The following NPL variants were observed in gnomAD, a reference collection of about 807,000 sequenced individuals.
NPL encodes the protein N-acetylneuraminate lyase.
In NPL, 32 loss-of-function variants were observed where a neutral mutation model predicts 41.1. That is an observed-to-expected ratio of 0.78 (90% CI 0.59 to 1.05). NPL has a LOEUF of 1.05. Among genes scored for constraint, NPL ranks in the 50% least tolerant of loss-of-function variants. The pLI, the probability that NPL is intolerant of heterozygous loss-of-function variation, is 0.00. For synonymous variants in NPL, 128 were observed against 134.9 expected (o/e 0.95, Z 0.35); for missense variants, 321 against 378.4 (o/e 0.85, Z 1.26).
intron 2 of NPL, 146 bp from the exon 3 acceptor site, chr1:182,794,209 TA>T: frequency 1.3e-6 from 1 of 764,658 alleles, no homozygotes; most frequent in Non-Finnish European, 2.3e-6. Flanking sequence ...AATTAAGCAC[TA>T]AAATTTTACC....
At chr1:182,825,613 T>TG (rs1203216412) in intron 11 of NPL, among the ~76,000 whole-genome samples, 168 bp from the exon 12 acceptor site, 5 of 152,214 alleles carry the variant, frequency 3.3e-5, no homozygotes, top group African/African-American at 1.2e-4. Context: ...TACCTTAGCC[T>TG]GGATGGATCC....
chr1:182,792,569 G>T (rs978953437), intron 2 of NPL, among the ~76,000 whole-genome samples: 1 of 152,230 alleles, frequency 6.6e-6, no homozygotes, highest in Non-Finnish European at 1.5e-5. Context: ...GAAGCTCAAA[G>T]AGTGATTAGA....
chr1:182,804,211 C>G (rs1371057904), intron 4 of NPL, among the ~76,000 whole-genome samples: 1 of 152,198 alleles, frequency 6.6e-6, no homozygotes, highest in Non-Finnish European at 1.5e-5. Context: ...TCACTGCAAC[C>G]TCTACCTCCC....
intron 3 of NPL, among the ~76,000 whole-genome samples, chr1:182,800,435 C>CA (rs1053733197): frequency 0.019 from 957 of 50,686 alleles, 22 homozygotes; most frequent in East Asian, 0.035. Context: ...GACCCTGTCT[C>CA]AAAAAAAAAA....
In NPL at chr1:182,828,721, T is replaced by C. The variant is rs200422045; in HGVS notation, c.779-3T>C. On this transcript the variant is annotated splice_polypyrimidine_tract_variant and splice_region_variant and intron_variant, in intron 12 of 12. Transcript: ENST00000367553. The surrounding 1 kb of genome is among the most constrained non-coding windows in gnomAD (Gnocchi z 4.0). ...TGTTTCCTCATTTGTTTTTCCCGTC[T>C]AGGTTTTGGAGTGTCACAGACCAAA... 9.1e-5 allele frequency: 147 copies of C among 1,614,120 alleles called. No individual in the cohort carries two copies. Among genetic ancestry groups the C allele is most frequent in the Non-Finnish European group, 1.1e-4 (133 of 1,180,038 alleles).
Position 182,829,148 on chromosome 1 carries a change from GT to G in NPL, c.*243del. On this transcript the variant is annotated 3_prime_UTR_variant, in exon 13 of 13. Transcript: ENST00000367553. ...CAGATTTTTTTGTGGAGAAATTTCT[GT>G]TTATATGGATGAAATGGAATCAAGA... 7.3e-7 allele frequency: 1 copy of G among 1,361,236 alleles called. No homozygotes were observed. Among genetic ancestry groups the G allele is most frequent in the Non-Finnish European group, 9.4e-7 (1 of 1,060,290 alleles). The allele number at this position is 1,361,236 out of a possible 1,614,324, so 84.3% of individuals were successfully genotyped here. A position where few individuals can be genotyped will look rare whatever the true frequency, so the allele number is the denominator to read the frequency against.
intron 4 of NPL, among the ~76,000 whole-genome samples, chr1:182,804,363 G>T (rs1666943603): frequency 6.6e-6 from 1 of 152,114 alleles, no homozygotes; most frequent in Non-Finnish European, 1.5e-5. Flanking sequence ...CCTGACCTCA[G>T]GTGATCTGCC....
chr1:182,794,581 C>T (rs767559510), intron 3 of NPL, 142 bp downstream of exon 3: 11 of 794,418 alleles, frequency 1.4e-5, no homozygotes, highest in Non-Finnish European at 2.4e-5. Context: ...CATCCCTCTG[C>T]ACTGTCTCTG....
rs754956690 is a variant in NPL, at chr1:182,806,243, G to C, written c.230+11G>C. The C allele has an allele frequency of 7.4e-6, 12 of 1,614,196 alleles. No homozygotes were observed. Among genetic ancestry groups the C allele is most frequent in the Non-Finnish European group, 1.0e-5 (12 of 1,180,020 alleles). ...AAAAGGGAAGGACAAGTGAGTGGCT[G>C]CATGAGGATAAAAATGCCCTTTGGC... On this transcript the variant is annotated intron_variant, in intron 5 of 12. Transcript: ENST00000367553.
chr1:182,801,173 A>T (rs1466586143), intron 3 of NPL, among the ~76,000 whole-genome samples: 1 of 152,226 alleles, frequency 6.6e-6, no homozygotes. Flanking sequence ...TTCCAAAAGG[A>T]CTTAAGTCCA....
intron 8 of NPL, 121 bp from the exon 9 acceptor site, chr1:182,818,420 A>G: frequency 8.1e-7 from 1 of 1,227,680 alleles, no homozygotes; most frequent in Non-Finnish European, 1.2e-6. Context: ...GATTATGCCT[A>G]GTCTGCAGTC....
rs916568303 is a variant in NPL, at chr1:182,812,712, A to AT, written c.288+509dup. Among the ~76,000 whole-genome samples the AT allele has an allele frequency of 8.6e-5, 13 of 151,096 alleles. No individual in the cohort carries two copies. The South Asian group carries it at 1.0e-3, about 12-fold the overall frequency. The stretch of plus-strand genomic sequence containing the variant: ...TACCACCCTTCAGCACCGTTGTGGA[A>AT]TTTTTTTTTTCTGGGTACACTCTTT... On this transcript the variant is annotated intron_variant, in intron 6 of 12. Coordinates refer to ENST00000367553, the MANE Select transcript of NPL (RefSeq NM_030769.3).
In NPL at chr1:182,830,303, T is replaced by A. The variant is rs959279764; in HGVS notation, c.*1395T>A. On this transcript the variant is annotated 3_prime_UTR_variant, in exon 13 of 13. Transcript: ENST00000367553. ...CGTTTTTGGTTCTGAGGATGTGATA[T>A]CCGTACTTACTGATACTAAAGCCAA... The A allele has an allele frequency of 6.6e-6, 1 of 152,244 alleles. No homozygotes were observed. Among genetic ancestry groups the A allele is most frequent in the Non-Finnish European group, 1.5e-5 (1 of 68,050 alleles). 9.4% of individuals were successfully genotyped at this position (152,244 alleles called of 1,614,324 possible).
intron 10 of NPL, among the ~76,000 whole-genome samples, chr1:182,820,811 C>T (rs1667468478): frequency 6.6e-6 from 1 of 152,188 alleles, no homozygotes; most frequent in African/African-American, 2.4e-5. Context: ...TCCCACCAGC[C>T]CCACCTCCAG....
chr1:182,818,898 C>T, intron 10 of NPL, 39 bp downstream of exon 10: 3 of 1,557,994 alleles, frequency 1.9e-6, no homozygotes, highest in Non-Finnish European at 2.7e-6. Flanking sequence ...TATAAAGTCC[C>T]CCATAAAGGC....
chr1:182,805,302 G>C (rs569852260), intron 4 of NPL, among the ~76,000 whole-genome samples: 10 of 152,272 alleles, frequency 6.6e-5, no homozygotes, highest in African/African-American at 2.4e-4. Flanking sequence ...ATGGTGGTGG[G>C]TCCCTGTAAT....
rs1261276914 is a variant in NPL, at chr1:182,789,804, G to T, written c.-73G>T. Reference sequence around the variant, plus strand: ...GCTGCACGGACAAGAGCGGAGGCCTGGGTGAGCGCGGCCCGCGACGGCACG... The same window carrying T: ...GCTGCACGGACAAGAGCGGAGGCCTTGGTGAGCGCGGCCCGCGACGGCACG... On this transcript the variant is annotated splice_region_variant and 5_prime_UTR_variant, in exon 1 of 13. Coordinates refer to ENST00000367553, the MANE Select transcript of NPL (RefSeq NM_030769.3). The T allele has an allele frequency of 9.2e-5, 14 of 152,558 alleles. No homozygotes were observed. Among genetic ancestry groups the T allele is most frequent in the Admixed American group, 9.2e-4 (14 of 15,292 alleles). 9.5% of individuals were successfully genotyped at this position (152,558 alleles called of 1,614,324 possible). A position where few individuals can be genotyped will look rare whatever the true frequency, so the allele number is the denominator to read the frequency against.
chr1:182,815,715 T>C (rs1667308391), intron 7 of NPL, among the ~76,000 whole-genome samples: 1 of 152,166 alleles, frequency 6.6e-6, no homozygotes, highest in South Asian at 2.1e-4. Flanking sequence ...GCAACACTCC[T>C]CCATTGGCCT....
At position 182,818,586 on chromosome 1, in the gene NPL, C is replaced by A. The variant is rs1667401230; in HGVS notation, c.503C>A (p.Thr168Asn). The change falls in exon 9 of 13, where the codon ACC becomes AAC. Residue 168 changes from threonine (T) to asparagine (N), a missense_variant. Physicochemically the swap from Thr to Asn is moderately conservative, Grantham distance 65. Coordinates refer to ENST00000367553, the MANE Select transcript of NPL (RefSeq NM_030769.3). ...GATGGGATTCTGGATAAGATCCCCA[C>A]CTTCCAAGGGCTGAAATTCAGTGAT... is the stretch of plus-strand genomic sequence containing the variant. ...LLDGILDKIP[T>N]FQGLKFSDTD... is the part of the protein sequence containing the mutation. 6.2e-7 allele frequency: 1 copy of A among 1,614,068 alleles called. No homozygotes were observed. Among genetic ancestry groups the A allele is most frequent in the African/African-American group, 1.3e-5 (1 of 74,912 alleles).
Sources: allele counts gnomAD v4.1 joint callset (sites outside exome capture counted in the v4.1 genomes callset), GRCh38; gene constraint gnomAD v4.1.1; non-coding constraint Gnocchi (gnomAD v3.1); transcripts MANE v1.5; gene names NCBI Gene and HGNC (gene_info 2026-07-23, HGNC 2026-07-21).